MAP4: variants seen among roughly 807,000 people sequenced by gnomAD.
MAP4 encodes the protein microtubule associated protein 4, also known as microtubule-associated protein 4.
MAP4 carries 76 observed loss-of-function variants against 170.2 expected under a neutral mutation model. The ratio of observed to expected loss-of-function variants is 0.45; its 90% CI spans 0.37 to 0.54. The LOEUF (loss-of-function observed/expected upper bound fraction) is 0.54, where lower values mean the gene tolerates loss of function less well. Among genes scored for constraint, MAP4 ranks in the 20% least tolerant of loss-of-function variants. MAP4 has a pLI of 0.00. For synonymous variants in MAP4, 909 were observed against 994.5 expected (o/e 0.91, Z 1.62); for missense variants, 2,506 against 2,748.0 (o/e 0.91, Z 1.97).
chr3:48,037,033 C>T (rs2100119083), intron 1 of MAP4, among the ~76,000 whole-genome samples: 1 of 152,166 alleles, frequency 6.6e-6, no homozygotes, highest in African/African-American at 2.4e-5. Context: ...TCAACTACAC[C>T]TCCCTACCCT....
At chr3:48,044,242 C>A (rs1030857267) in intron 1 of MAP4, among the ~76,000 whole-genome samples, 28 of 151,398 alleles carry the variant, frequency 1.8e-4, no homozygotes, top group Admixed American at 3.9e-4. Context: ...GTAAGCTCCA[C>A]CTCCCAGGTT....
At chr3:47,943,207 C>T (rs913294890) in intron 3 of MAP4, among the ~76,000 whole-genome samples, 2 of 152,092 alleles carry the variant, frequency 1.3e-5, no homozygotes, top group Non-Finnish European at 2.9e-5. Context: ...GATTTTCAGC[C>T]GACTCCATTT....
rs2041168762 is a variant in MAP4, at chr3:47,851,081, C to T, written c.*1853G>A. 1 of 152,282 alleles carries T rather than the reference C, an allele frequency of 6.6e-6. No individual in the cohort carries two copies. The highest frequency in any genetic ancestry group is 2.4e-5 in the African/African-American group (1 of 41,442). The allele number at this position is 152,282 out of a possible 1,614,324, so 9.4% of individuals were successfully genotyped here. A position where few individuals can be genotyped will look rare whatever the true frequency, so the allele number is the denominator to read the frequency against. On this transcript the variant is annotated 3_prime_UTR_variant, in exon 21 of 21. Transcript: ENST00000683076. ...TGTGCTGTTGCCCCTGAGGTGTCTC[C>T]TGACTACGCAACCCTGTTTCCTTCC... is the stretch of plus-strand genomic sequence containing the variant.
At chr3:47,978,868 A>AT (rs2100083743) in intron 2 of MAP4, among the ~76,000 whole-genome samples, 1 of 150,744 alleles carries the variant, frequency 6.6e-6, no homozygotes, top group African/African-American at 2.4e-5. Context: ...GAATGGTCAA[A>AT]TTTTTTGACT....
intron 1 of MAP4, among the ~76,000 whole-genome samples, chr3:48,072,526 A>G (rs1411307763): frequency 6.6e-6 from 1 of 152,164 alleles, no homozygotes; most frequent in African/African-American, 2.4e-5. Flanking sequence ...AAATTCATGA[A>G]AAAACTATTT....
intron 9 of MAP4, among the ~76,000 whole-genome samples, chr3:47,904,638 T>C (rs895827893): frequency 2.1e-5 from 3 of 140,572 alleles, no homozygotes; most frequent in Non-Finnish European, 4.7e-5. Flanking sequence ...TAATAATATC[T>C]TTTTTTTTTT....
intron 3 of MAP4, among the ~76,000 whole-genome samples, chr3:47,931,032 G>A (rs1250543533): frequency 6.6e-6 from 1 of 151,932 alleles, no homozygotes; most frequent in Non-Finnish European, 1.5e-5. Flanking sequence ...AGTCCTTAGG[G>A]AAATGCAAAT....
At chr3:48,061,185 C>T (rs918391286) in intron 1 of MAP4, among the ~76,000 whole-genome samples, 1 of 149,796 alleles carries the variant, frequency 6.7e-6, no homozygotes, top group African/African-American at 2.5e-5. Flanking sequence ...TGAACACCTC[C>T]CCCTCCCCCT....
chr3:47,957,012 G>A (rs944440511), intron 3 of MAP4, among the ~76,000 whole-genome samples: 4 of 152,202 alleles, frequency 2.6e-5, no homozygotes, highest in African/African-American at 9.6e-5. Context: ...TGGGGAATAA[G>A]GGCAGGGGTG....
chr3:47,905,431 G>A (rs1402142106), intron 9 of MAP4, among the ~76,000 whole-genome samples: 2 of 151,794 alleles, frequency 1.3e-5, no homozygotes, highest in Non-Finnish European at 2.9e-5. Context: ...GAAATTTAGG[G>A]TATGACAAAG....
chr3:47,982,430 G>C (rs1316662008), intron 2 of MAP4, among the ~76,000 whole-genome samples: 2 of 152,052 alleles, frequency 1.3e-5, no homozygotes, highest in African/African-American at 4.8e-5. Context: ...AGAACAGCTT[G>C]TTCGTATATT....
chr3:47,939,807 A>G (rs564040290), intron 3 of MAP4, among the ~76,000 whole-genome samples: 41 of 151,928 alleles, frequency 2.7e-4, no homozygotes, highest in African/African-American at 9.7e-4. Context: ...GAGAAGGAGC[A>G]TGAAAGTCTG....
rs2100080708 is a variant in MAP4, at chr3:47,974,370, A to T, written c.292+3495T>A. ...AACCTGGGAGGCAGAGGGTGCAGTAAGCCAAGATCGCGCCACCGCACTCCA... is the reference window on the plus strand; with the variant it reads ...AACCTGGGAGGCAGAGGGTGCAGTATGCCAAGATCGCGCCACCGCACTCCA... On this transcript the variant is annotated intron_variant, in intron 3 of 20. Coordinates refer to ENST00000683076, the MANE Select transcript of MAP4 (RefSeq NM_001385682.1). 8 of 688,108 alleles carry T rather than the reference A, an allele frequency of 1.2e-5. No individual in the cohort carries two copies. In the South Asian group the frequency reaches 5.3e-4, roughly 45 times the overall value. 42.6% of individuals were successfully genotyped at this position (688,108 alleles called of 1,614,324 possible).
At chr3:47,941,394 C>A (rs745395599) in intron 3 of MAP4, among the ~76,000 whole-genome samples, 2 of 151,780 alleles carry the variant, frequency 1.3e-5, no homozygotes, top group African/African-American at 2.4e-5. Context: ...ATACTGCAAC[C>A]CAAACAACAT....
At chr3:48,073,833 T>C (rs2100142263) in intron 1 of MAP4, among the ~76,000 whole-genome samples, 1 of 152,068 alleles carries the variant, frequency 6.6e-6, no homozygotes, top group Non-Finnish European at 1.5e-5. Context: ...TGTGGAGAAA[T>C]AGGAACTCTT....
Position 47,911,983 on chromosome 3 carries a change from G to A in MAP4, c.2438C>T (p.Pro813Leu), listed in dbSNP as rs1443889455. The change falls in exon 9 of 21, where the codon CCC becomes CTC. Residue 813 changes from proline (P) to leucine (L), a missense_variant. Transcript: ENST00000683076. This position sits in a 1 kb window ranked among gnomAD's most constrained non-coding sequence, Gnocchi z 4.0. ...TGTACCCATAGTGGTAGGCTGGCTG[G>A]GGAGAACACCTGATTTTTGTGTGTC... Reference protein sequence around the residue: ...AADTQKSGVLPSQPTTMGTEY... With the variant: ...AADTQKSGVLLSQPTTMGTEY... 1 of 1,536,082 alleles carries A rather than the reference G, an allele frequency of 6.5e-7. No individual in the cohort carries two copies. The highest frequency in any genetic ancestry group is 2.0e-5 in the Admixed American group (1 of 50,992).
At chr3:48,044,912 G>A (rs1207998793) in intron 1 of MAP4, among the ~76,000 whole-genome samples, 6 of 151,656 alleles carry the variant, frequency 4.0e-5, no homozygotes. Context: ...TCACACTACT[G>A]CACTCCAGCC....
intron 3 of MAP4, among the ~76,000 whole-genome samples, chr3:47,959,231 G>C (rs2100069855): frequency 6.6e-6 from 1 of 152,122 alleles, no homozygotes; most frequent in Non-Finnish European, 1.5e-5. Flanking sequence ...ACTTTTGGAG[G>C]CCAAGCGGGT....
chr3:47,857,930 G>A (rs1473390216), intron 17 of MAP4, among the ~76,000 whole-genome samples: 1 of 151,498 alleles, frequency 6.6e-6, no homozygotes, highest in African/African-American at 2.4e-5. Flanking sequence ...GGCTGGTCTC[G>A]AACTCCTGAC....
Sources: allele counts gnomAD v4.1 joint callset (sites outside exome capture counted in the v4.1 genomes callset), GRCh38; gene constraint gnomAD v4.1.1; non-coding constraint Gnocchi (gnomAD v3.1); transcripts MANE v1.5; gene names NCBI Gene and HGNC (gene_info 2026-07-23, HGNC 2026-07-21).